LDB2: variants seen among roughly 807,000 people sequenced by gnomAD.
LDB2 encodes LIM domain binding 2, also known as LIM domain-binding protein 2.
LDB2 carries 12 observed loss-of-function variants against 44.3 expected under a neutral mutation model. That is an observed-to-expected ratio of 0.27 (90% CI 0.17 to 0.44). The LOEUF is 0.44. Among genes scored for constraint, LDB2 ranks in the 20% least tolerant of loss-of-function variants. The pLI, the probability that LDB2 is intolerant of heterozygous loss-of-function variation, is 1.00. For missense variants in LDB2, 344 were observed against 473.5 expected, an observed-to-expected ratio of 0.73 and a Z score of 2.54; for synonymous variants, 164 against 174.8, an observed-to-expected ratio of 0.94 and a Z score of 0.49.
intron 2 of LDB2, among the ~76,000 whole-genome samples, chr4:16,731,005 A>G (rs1333354735): frequency 6.6e-6 from 1 of 152,328 alleles, no homozygotes; most frequent in East Asian, 1.9e-4. Flanking sequence ...AAGCTTTCCC[A>G]CACTTTCCTC....
chr4:16,890,815 G>A (rs1723161016), intron 1 of LDB2, among the ~76,000 whole-genome samples: 1 of 152,178 alleles, frequency 6.6e-6, no homozygotes, highest in South Asian at 2.1e-4. Flanking sequence ...TTACTCTCAT[G>A]ACAATGGCTT....
At chr4:16,704,677 CGTA>C (rs1247288282) in intron 2 of LDB2, among the ~76,000 whole-genome samples, 1 of 152,102 alleles carries the variant, frequency 6.6e-6, no homozygotes, top group Non-Finnish European at 1.5e-5. Flanking sequence ...AGGCCTATGA[CGTA>C]GTCACATAAA....
chr4:16,703,335 G>T (rs1436134857), intron 2 of LDB2, among the ~76,000 whole-genome samples: 1 of 152,226 alleles, frequency 6.6e-6, no homozygotes, highest in Non-Finnish European at 1.5e-5. Flanking sequence ...AATGTTCCAG[G>T]TAGAAGAAAT....
At chr4:16,673,400 C>T (rs1330767151) in intron 2 of LDB2, among the ~76,000 whole-genome samples, 1 of 152,146 alleles carries the variant, frequency 6.6e-6, no homozygotes, top group East Asian at 1.9e-4. Flanking sequence ...CAAGGTTACT[C>T]CTGCTGCTTC....
chr4:16,887,404 A>C (rs1331558811), intron 1 of LDB2, among the ~76,000 whole-genome samples: 2 of 152,180 alleles, frequency 1.3e-5, no homozygotes, highest in African/African-American at 4.8e-5. Context: ...ATTTGGGACT[A>C]GTAGGTTCCA....
At chr4:16,542,001 GA>G (rs1733941447) in intron 5 of LDB2, among the ~76,000 whole-genome samples, 1 of 147,574 alleles carries the variant, frequency 6.8e-6, no homozygotes, top group South Asian at 2.1e-4. Context: ...TTTCTGGCAA[GA>G]ACTTCTGGCA....
chr4:16,846,045 C>A (rs1390501035), intron 1 of LDB2, among the ~76,000 whole-genome samples: 1 of 147,896 alleles, frequency 6.8e-6, no homozygotes, highest in Non-Finnish European at 1.5e-5. Context: ...ACCCGGGAGG[C>A]AGAGCTTGCA....
rs1342547911 is a variant in LDB2, at chr4:16,757,152, C to T, written c.235+2006G>A. Among the ~76,000 whole-genome samples, 3 of 152,164 alleles carry T rather than the reference C, an allele frequency of 2.0e-5. No homozygotes were observed. The East Asian group carries it at 5.8e-4, about 29-fold the overall frequency. On this transcript the variant is annotated intron_variant, in intron 2 of 7. Transcript: ENST00000304523. Reference sequence around the variant, plus strand: ...AAGGTACCAGCGCCTGAGCTCAGAGCGCTGCATAAACAGTGCACGTCAGGC... The same window carrying T: ...AAGGTACCAGCGCCTGAGCTCAGAGTGCTGCATAAACAGTGCACGTCAGGC...
intron 2 of LDB2, among the ~76,000 whole-genome samples, chr4:16,722,956 A>G (rs1758615367): frequency 6.6e-6 from 1 of 152,130 alleles, no homozygotes; most frequent in Non-Finnish European, 1.5e-5. Flanking sequence ...AGGGTTATAT[A>G]CAGATAAACT....
At chr4:16,665,930 A>G (rs1743031938) in intron 2 of LDB2, among the ~76,000 whole-genome samples, 1 of 152,156 alleles carries the variant, frequency 6.6e-6, no homozygotes, top group East Asian at 1.9e-4. Flanking sequence ...GAAGTGATGG[A>G]GCTACAAGCC....
intron 2 of LDB2, among the ~76,000 whole-genome samples, chr4:16,731,371 C>A (rs749519335): frequency 6.6e-6 from 1 of 152,050 alleles, no homozygotes; most frequent in Non-Finnish European, 1.5e-5. Flanking sequence ...AAGCTCCAAC[C>A]CTTGATGTGA....
chr4:16,624,406 A>C (rs1429810928), intron 2 of LDB2, among the ~76,000 whole-genome samples: 1 of 152,134 alleles, frequency 6.6e-6, no homozygotes, highest in Non-Finnish European at 1.5e-5. Context: ...TACACAGTAA[A>C]ATTTTTAAAA....
chr4:16,583,554 G>A (rs934136680), intron 5 of LDB2, among the ~76,000 whole-genome samples: 6 of 152,106 alleles, frequency 3.9e-5, no homozygotes, highest in African/African-American at 1.4e-4. Flanking sequence ...TGACTGCTCC[G>A]CTGTCTTAAA....
intron 5 of LDB2, among the ~76,000 whole-genome samples, chr4:16,553,522 GTTT>G (rs1186456997): frequency 4.0e-5 from 6 of 151,816 alleles, no homozygotes; most frequent in Admixed American, 6.6e-5. Context: ...GCATGGAGAG[GTTT>G]TTTTTGTTGT....
chr4:16,545,359 TAA>T (rs1444255268), intron 5 of LDB2, among the ~76,000 whole-genome samples: 1 of 152,172 alleles, frequency 6.6e-6, no homozygotes, highest in Non-Finnish European at 1.5e-5. Context: ...ACATAGCAGA[TAA>T]AGAGATAATC....
chr4:16,754,807 C>T (rs1419054198), intron 2 of LDB2, among the ~76,000 whole-genome samples: 5 of 152,176 alleles, frequency 3.3e-5, no homozygotes, highest in Admixed American at 1.3e-4. Context: ...GCTGGGATTA[C>T]AGGCGTTAGC....
At chr4:16,786,737 A>G (rs1232946553) in intron 1 of LDB2, among the ~76,000 whole-genome samples, 1 of 152,194 alleles carries the variant, frequency 6.6e-6, no homozygotes, top group Non-Finnish European at 1.5e-5. Flanking sequence ...TGTCAATATA[A>G]GAGACTTAGA....
intron 1 of LDB2, among the ~76,000 whole-genome samples, chr4:16,886,453 A>G (rs868626842): frequency 1.3e-5 from 2 of 152,164 alleles, no homozygotes; most frequent in African/African-American, 4.8e-5. Context: ...AAGCAAGTAA[A>G]GATTTATGTA....
chr4:16,594,918 T>A (rs1490219907), intron 3 of LDB2, among the ~76,000 whole-genome samples: 1 of 152,232 alleles, frequency 6.6e-6, no homozygotes, highest in African/African-American at 2.4e-5. Flanking sequence ...TGTGATTAAA[T>A]ATTTGTTCTT....
Sources: allele counts gnomAD v4.1 joint callset (sites outside exome capture counted in the v4.1 genomes callset), GRCh38; gene constraint gnomAD v4.1.1; transcripts MANE v1.5; gene names NCBI Gene and HGNC (gene_info 2026-07-23, HGNC 2026-07-21).